THNSL1: variants seen among roughly 807,000 people sequenced by gnomAD.
THNSL1 encodes the protein threonine synthase-like 1.
In THNSL1, 48 loss-of-function variants were observed where a neutral mutation model predicts 50.4. The ratio of observed to expected loss-of-function variants is 0.95; its 90% CI spans 0.76 to 1.21. The LOEUF is 1.21. THNSL1 is among the 50% of genes most tolerant of loss of function. The probability of loss-of-function intolerance (pLI) is 0.00; values close to 1 mark genes in which losing one functional copy is unlikely to be tolerated. For missense variants in THNSL1, 896 were observed against 871.7 expected (o/e 1.03, Z -0.35); for synonymous variants, 309 against 306.1 (o/e 1.01, Z -0.10).
At chr10:24,983,087 A>T in the THNSL1 span, 1 of 152,234 alleles carries the variant, frequency 6.6e-6, no homozygotes, top group East Asian at 1.9e-4. Flanking sequence ...TGCCTGGATC[A>T]ACAGAGTCAC....
chr10:25,023,687 A>C lies in THNSL1; in HGVS notation c.464A>C (p.Asp155Ala). 1 of 1,614,080 alleles carries C rather than the reference A, an allele frequency of 6.2e-7. No individual in the cohort carries two copies. Among genetic ancestry groups the C allele is most frequent in the African/African-American group, 1.3e-5 (1 of 75,066 alleles). Reference sequence around the variant, plus strand: ...AAAAATGGAATAATTGTATACCTGGATGTACCTCTACTAGATCTAATTTGT... The same window carrying C: ...AAAAATGGAATAATTGTATACCTGGCTGTACCTCTACTAGATCTAATTTGT... ...LKKNGIIVYL[D>A]VPLLDLICRL... The change falls in exon 3 of 3, where the codon GAT becomes GCT. Residue 155 changes from aspartate to alanine, a missense_variant. By Grantham distance (126) the Asp-to-Ala change is moderately radical. Transcript: ENST00000376356.
upstream of THNSL1, among the ~76,000 whole-genome samples, chr10:25,014,500 C>G (rs1850521344): frequency 1.3e-5 from 2 of 151,786 alleles, no homozygotes; most frequent in Admixed American, 1.3e-4. Flanking sequence ...TGAATAAAGA[C>G]TGTTCCTATA....
the THNSL1 span, chr10:24,995,576 A>G: frequency 2.3e-6 from 3 of 1,307,458 alleles, no homozygotes; most frequent in Non-Finnish European, 3.2e-6. Context: ...GATAACATAG[A>G]TGATCATCAT....
At position 25,024,659 on chromosome 10, in the gene THNSL1, AG is replaced by A. The variant is rs1477503713; in HGVS notation, c.1438del (p.Val480Ter). On this transcript the variant is annotated frameshift_variant, in exon 3 of 3. Transcript: ENST00000376356. LOFTEE classifies it high-confidence loss of function. ...ATAAACTGGGGCCGACTACTTCCGC[AG>A]GTAGTTTATCATGCTTCCGCATATC... ...NSINWGRLLPQVVYHASAYLD... is the reference protein window; with the variant it reads ...NSINWGRLLPXVVYHASAYLD... 1 of 1,614,128 alleles carries A rather than the reference AG, an allele frequency of 6.2e-7. No homozygotes were observed. Among genetic ancestry groups the A allele is most frequent in the Non-Finnish European group, 8.5e-7 (1 of 1,180,052 alleles).
the THNSL1 span, among the ~76,000 whole-genome samples, chr10:24,965,060 CAAAAAAA>C: frequency 1.2e-4 from 14 of 120,490 alleles, no homozygotes; most frequent in African/African-American, 4.2e-4. Context: ...AATCCTATCT[CAAAAAAA>C]AAAAAAAAAA....
In THNSL1 at chr10:25,023,909, A is replaced by G. The variant is rs1484083850; in HGVS notation, c.686A>G (p.Glu229Gly). The change falls in exon 3 of 3, where the codon GAA (glutamate) becomes GGA (glycine). Residue 229 changes from glutamate (E) to glycine (G), a missense_variant. By Grantham distance (98) the Glu-to-Gly change is moderately conservative (BLOSUM62 -2). Transcript: ENST00000376356. ...AIKRYQDVDS[E>G]TFISTRHVWP... is the part of the protein sequence containing the mutation. ...AAAAGATACCAAGATGTGGACTCGG[A>G]AACATTCATTTCAACAAGACACGTT... is the stretch of plus-strand genomic sequence containing the variant. The G allele has an allele frequency of 3.7e-6, 6 of 1,614,230 alleles. No homozygotes were observed. The highest frequency in any genetic ancestry group is 2.2e-5 in the East Asian group (1 of 44,890).
In THNSL1 at chr10:25,024,833, A is replaced by G. The variant is rs1468595198; in HGVS notation, c.1610A>G (p.Asn537Ser). The G allele has an allele frequency of 6.2e-7, 1 of 1,614,080 alleles. No homozygotes were observed. Among genetic ancestry groups the G allele is most frequent in the Non-Finnish European group, 8.5e-7 (1 of 1,180,048 alleles). Residue 537 changes from asparagine (N) to serine (S), a missense_variant, in exon 3 of 3, where the codon AAC (asparagine) becomes AGC (serine). Coordinates refer to ENST00000376356, the MANE Select transcript of THNSL1 (RefSeq NM_024838.5). The part of the protein sequence containing the change: ...IRKFICASNQ[N>S]HVLTDFIKTG... ...AAATTTATCTGTGCCTCTAATCAGAACCATGTTTTGACTGATTTTATAAAA... is the reference window on the plus strand; with the variant it reads ...AAATTTATCTGTGCCTCTAATCAGAGCCATGTTTTGACTGATTTTATAAAA...
At chr10:24,969,552 G>GA in the THNSL1 span, among the ~76,000 whole-genome samples, 2 of 152,080 alleles carry the variant, frequency 1.3e-5, no homozygotes, top group African/African-American at 4.8e-5. Flanking sequence ...GTTTTTAAAG[G>GA]AAAAAATTCA....
chr10:24,964,252 C>T, the THNSL1 span, among the ~76,000 whole-genome samples: 1 of 152,120 alleles, frequency 6.6e-6, no homozygotes. Flanking sequence ...GAGTAACAGC[C>T]TTTATACTGA....
At chr10:25,021,278 CTT>C (rs1850713910) in intron 1 of THNSL1, among the ~76,000 whole-genome samples, 1 of 152,080 alleles carries the variant, frequency 6.6e-6, no homozygotes, top group Non-Finnish European at 1.5e-5. Flanking sequence ...TAAGAGGTAT[CTT>C]TTTGTGGCAA....
At chr10:24,995,646 C>T in the THNSL1 span, 1 of 1,606,500 alleles carries the variant, frequency 6.2e-7, no homozygotes, top group South Asian at 1.1e-5. Flanking sequence ...ACAAGGCTAC[C>T]TTTTTATTGA....
chr10:24,999,559 T>C, the THNSL1 span: 1 of 1,592,988 alleles, frequency 6.3e-7, no homozygotes, highest in African/African-American at 1.4e-5. Context: ...AAAATTGAAT[T>C]TTAAAAGTTG....
the THNSL1 span, among the ~76,000 whole-genome samples, chr10:24,966,006 T>A: frequency 6.6e-6 from 1 of 152,354 alleles, no homozygotes; most frequent in Admixed American, 6.5e-5. Context: ...ATAAGAGATA[T>A]AACTGGCAGA....
At chr10:24,992,082 C>T in the THNSL1 span, among the ~76,000 whole-genome samples, 1 of 152,176 alleles carries the variant, frequency 6.6e-6, no homozygotes, top group Non-Finnish European at 1.5e-5. Context: ...ATTCTTTCAG[C>T]TTAGTAAATG....
upstream of THNSL1, among the ~76,000 whole-genome samples, chr10:25,014,260 G>A (rs1850514445): frequency 6.6e-6 from 1 of 152,130 alleles, no homozygotes; most frequent in Non-Finnish European, 1.5e-5. Flanking sequence ...GAGATCAAAA[G>A]CCAGGCAGTT....
chr10:24,993,970 C>T, the THNSL1 span, among the ~76,000 whole-genome samples: 1 of 152,162 alleles, frequency 6.6e-6, no homozygotes, highest in South Asian at 2.1e-4. Flanking sequence ...TTTCCCTATC[C>T]TGTGGGACAA....
the THNSL1 span, among the ~76,000 whole-genome samples, chr10:25,010,575 C>A: frequency 6.6e-6 from 1 of 151,604 alleles, no homozygotes; most frequent in South Asian, 2.1e-4. Context: ...GGTATATCTC[C>A]TAATGCTATC....
At chr10:24,965,172 T>G in the THNSL1 span, among the ~76,000 whole-genome samples, 3 of 152,334 alleles carry the variant, frequency 2.0e-5, no homozygotes, top group Non-Finnish European at 2.9e-5. Context: ...TACCATGTCC[T>G]GCCTCTGTCA....
the THNSL1 span, chr10:24,984,429 AG>A: frequency 6.4e-7 from 1 of 1,555,350 alleles, no homozygotes; most frequent in Non-Finnish European, 8.7e-7. Flanking sequence ...TTTATTTTTC[AG>A]GACCTAGAAA....
Sources: allele counts gnomAD v4.1 joint callset (sites outside exome capture counted in the v4.1 genomes callset), GRCh38; gene constraint gnomAD v4.1.1; transcripts MANE v1.5; gene names NCBI Gene and HGNC (gene_info 2026-07-23, HGNC 2026-07-21).